RELL1: variants seen among roughly 807,000 people sequenced by gnomAD.
The protein encoded by RELL1 is RELT-like protein 1.
In RELL1, 10 loss-of-function variants were observed where a neutral mutation model predicts 23.0. The ratio of observed to expected loss-of-function variants is 0.43; its 90% confidence interval spans 0.27 to 0.74. RELL1 has a LOEUF of 0.74. Ranked by LOEUF, RELL1 falls within the 30% of genes least tolerant of loss-of-function variation. The probability of loss-of-function intolerance (pLI) is 0.19; values close to 1 mark genes in which losing one functional copy is unlikely to be tolerated. For missense variants in RELL1, 315 were observed against 364.4 expected (o/e 0.86, Z 1.10); for synonymous variants, 146 against 146.8 (o/e 0.99, Z 0.04).
At chr4:37,622,122 G>T (rs962873027) in intron 6 of RELL1, among the ~76,000 whole-genome samples, 1 of 152,150 alleles carries the variant, frequency 6.6e-6, no homozygotes, top group Non-Finnish European at 1.5e-5. Flanking sequence ...GTAAAAGCTG[G>T]TTCTTCCTCA....
At chr4:37,592,099 T>C (rs1334435704) in intron 6 of RELL1, among the ~76,000 whole-genome samples, 1 of 151,440 alleles carries the variant, frequency 6.6e-6, no homozygotes, top group Non-Finnish European at 1.5e-5. Context: ...TCCCAGCTAC[T>C]TGGGAGGCTG....
At chr4:37,624,667 G>T (rs1315993138) in intron 6 of RELL1, among the ~76,000 whole-genome samples, 1 of 151,822 alleles carries the variant, frequency 6.6e-6, no homozygotes, top group Non-Finnish European at 1.5e-5. Context: ...CTGACCTCGT[G>T]ATCCGCCCAC....
intron 6 of RELL1, among the ~76,000 whole-genome samples, chr4:37,629,891 G>T (rs1720063201): frequency 6.6e-6 from 1 of 152,196 alleles, no homozygotes; most frequent in Non-Finnish European, 1.5e-5. Context: ...CATGGACGGA[G>T]CATTTCCCAC....
intron 6 of RELL1, among the ~76,000 whole-genome samples, chr4:37,599,087 A>G (rs2109483510): frequency 6.6e-6 from 1 of 152,330 alleles, no homozygotes; most frequent in African/African-American, 2.4e-5. Context: ...AGACAACCCA[A>G]TTTTGTATAT....
chr4:37,658,014 TAGG>T (rs939479573), intron 1 of RELL1, among the ~76,000 whole-genome samples: 53 of 151,908 alleles, frequency 3.5e-4, no homozygotes, highest in African/African-American at 1.2e-3. Context: ...GAAGCTTGGG[TAGG>T]AGGATTACTT....
chr4:37,659,558 T>C (rs1721245217), intron 1 of RELL1, among the ~76,000 whole-genome samples: 1 of 152,112 alleles, frequency 6.6e-6, no homozygotes, highest in Non-Finnish European at 1.5e-5. Flanking sequence ...TGTCTAAATG[T>C]TCATTTCTCA....
intron 2 of RELL1, among the ~76,000 whole-genome samples, chr4:37,648,249 G>A (rs1324032204): frequency 6.6e-6 from 1 of 152,228 alleles, no homozygotes; most frequent in Non-Finnish European, 1.5e-5. Flanking sequence ...AAGGAGGAGA[G>A]GGGGAGGCTC....
intron 1 of RELL1, among the ~76,000 whole-genome samples, chr4:37,682,610 C>CA (rs1560363829): frequency 1.3e-5 from 2 of 152,166 alleles, no homozygotes; most frequent in African/African-American, 2.4e-5. Flanking sequence ...AGGGAATTGA[C>CA]AGAGACTTCT....
At chr4:37,621,994 C>T (rs1432181484) in intron 6 of RELL1, among the ~76,000 whole-genome samples, 2 of 152,146 alleles carry the variant, frequency 1.3e-5, no homozygotes, top group Non-Finnish European at 2.9e-5. Flanking sequence ...TCAAAAACTC[C>T]CAGATCATGG....
downstream of RELL1, among the ~76,000 whole-genome samples, chr4:37,605,878 AAGG>A: frequency 7.0e-6 from 1 of 143,400 alleles, no homozygotes; most frequent in East Asian, 2.0e-4. Context: ...GAAAGGAAAG[AAGG>A]AAAGAAAGAG....
chr4:37,605,838 AG>A (rs1719191486), downstream of RELL1, among the ~76,000 whole-genome samples: 2 of 121,056 alleles, frequency 1.7e-5, no homozygotes, highest in African/African-American at 2.7e-5. Context: ...AAAGAAAGAA[AG>A]AAAGAAGGAA....
In RELL1 at chr4:37,686,270, G is replaced by C; in HGVS notation, c.18C>G (p.Leu6=). The change falls in exon 1 of 7, where the codon CTC becomes CTG. Residue 6 remains leucine, a synonymous_variant. Transcript: ENST00000454158. ...CAGCGGCTAGGACGGCGGACCCCGG[G>C]AGTGCCCGCGGAGCCATCGCCGCGT... MAPRA[L]PGSAVLAAAV... is the part of the protein sequence containing the mutation. The C allele has an allele frequency of 6.5e-7, 1 of 1,547,012 alleles. No homozygotes were observed. Among genetic ancestry groups the C allele is most frequent in the Admixed American group, 1.9e-5 (1 of 53,816 alleles).
At chr4:37,653,252 G>A (rs1333454714) in intron 1 of RELL1, among the ~76,000 whole-genome samples, 4 of 151,852 alleles carry the variant, frequency 2.6e-5, no homozygotes, top group African/African-American at 7.3e-5. Flanking sequence ...TACCCTGCCC[G>A]CTCCTTTTCC....
At chr4:37,631,226 A>G (rs1270197040) in intron 6 of RELL1, among the ~76,000 whole-genome samples, 159 bp downstream of exon 6, 1 of 152,086 alleles carries the variant, frequency 6.6e-6, no homozygotes, top group Admixed American at 6.6e-5. Context: ...CAGACAAGTA[A>G]TCATGTTCAG....
rs1337771638 is a variant in RELL1, at chr4:37,649,373, G to C, written c.216C>G (p.Leu72=). 1 of 1,614,230 alleles carries C rather than the reference G, an allele frequency of 6.2e-7. No individual in the cohort carries two copies. The highest frequency in any genetic ancestry group is 8.5e-7 in the Non-Finnish European group (1 of 1,180,050). ...ALVPVFFIMG[L]FGVLICHLLK... is the part of the protein sequence containing the mutation. Reference sequence around the variant, plus strand: ...GCAGGTGGCAAATGAGGACGCCAAAGAGACCCATGATAAAGAACACAGGGA... The same window carrying C: ...GCAGGTGGCAAATGAGGACGCCAAACAGACCCATGATAAAGAACACAGGGA... The change falls in exon 2 of 7, where the codon CTC becomes CTG. Residue 72 remains leucine, a synonymous_variant. Transcript: ENST00000454158.
intron 1 of RELL1, among the ~76,000 whole-genome samples, chr4:37,682,465 C>G (rs2109319853): frequency 6.6e-6 from 1 of 152,266 alleles, no homozygotes; most frequent in South Asian, 2.1e-4. Context: ...AACATTAGGG[C>G]CAAAGAATCA....
At chr4:37,660,819 CAGG>C (rs1721314135) in intron 1 of RELL1, among the ~76,000 whole-genome samples, 1 of 152,092 alleles carries the variant, frequency 6.6e-6, no homozygotes, top group Non-Finnish European at 1.5e-5. Flanking sequence ...ATCACAAGGT[CAGG>C]AGATCAAGAC....
At chr4:37,677,427 G>A (rs758217766) in intron 1 of RELL1, among the ~76,000 whole-genome samples, 3 of 152,188 alleles carry the variant, frequency 2.0e-5, no homozygotes, top group Non-Finnish European at 2.9e-5. Flanking sequence ...CCTCCTAAGA[G>A]TCTCATTCAT....
downstream of RELL1, among the ~76,000 whole-genome samples, chr4:37,605,793 G>GAGAGAGAA (rs1269670059): frequency 4.4e-5 from 4 of 90,400 alleles, no homozygotes; most frequent in East Asian, 1.1e-3. Context: ...GAGAAAGAAA[G>GAGAGAGAA]AGAAAGAAAG....
Sources: gnomAD v4.1 joint callset for allele counts (sites outside exome capture counted in the v4.1 genomes callset) on GRCh38, gnomAD v4.1.1 for gene constraint, MANE v1.5 for transcripts, NCBI Gene and HGNC (gene_info 2026-07-23, HGNC 2026-07-21) for gene names.